ACVR2A: variants seen among roughly 807,000 people sequenced by gnomAD.
ACVR2A encodes the protein activin A receptor type 2A, also known as activin receptor type-2A.
A neutral mutation model predicts 61.4 loss-of-function variants in ACVR2A; 7 were observed. The observed-to-expected ratio is 0.11, with a 90% confidence interval of 0.06 to 0.21. The LOEUF (loss-of-function observed/expected upper bound fraction) is 0.21, where lower values mean the gene tolerates loss of function less well. ACVR2A is among the 10% of genes least tolerant of loss of function. The pLI is 1.00. For synonymous variants in ACVR2A, 193 were observed against 208.3 expected (o/e 0.93, Z 0.63); for missense variants, 322 against 621.7 (o/e 0.52, Z 5.13).
chr2:147,923,292 A>G (rs993396888), intron 9 of ACVR2A, among the ~76,000 whole-genome samples, 181 bp downstream of exon 9: 2 of 151,978 alleles, frequency 1.3e-5, no homozygotes, highest in Non-Finnish European at 2.9e-5. Flanking sequence ...AGGAATTGCT[A>G]TGTATTGATC....
At chr2:147,845,016 TTTTTTTTTTTTG>T, upstream of ACVR2A, 5 of 210,822 alleles carry the variant, frequency 2.4e-5, no homozygotes, top group South Asian at 2.0e-4. Flanking sequence ...TTTTTTTTTT[TTTTTTTTTTTTG>T]GTCTGGGCTT....
chr2:147,915,057 G>A, intron 4 of ACVR2A, 134 bp from the exon 5 acceptor site: 2 of 776,738 alleles, frequency 2.6e-6, no homozygotes, highest in South Asian at 1.8e-5. Flanking sequence ...TGGCAACATT[G>A]AAGTTAATGT....
intron 1 of ACVR2A, among the ~76,000 whole-genome samples, chr2:147,861,657 TTTGAAATA>T (rs1439603193): frequency 6.6e-6 from 1 of 152,172 alleles, no homozygotes; most frequent in Non-Finnish European, 1.5e-5. Context: ...CCACCAGTAT[TTTGAAATA>T]TTGAAATATT....
At chr2:147,917,453 G>C (rs1350159145) in intron 6 of ACVR2A, 27 bp downstream of exon 6, 6 of 1,608,146 alleles carry the variant, frequency 3.7e-6, no homozygotes, top group Non-Finnish European at 1.7e-6. Context: ...TTTTACTTTA[G>C]TAAAGTCTGA....
intron 1 of ACVR2A, among the ~76,000 whole-genome samples, chr2:147,859,128 G>A (rs1685660113): frequency 6.6e-6 from 1 of 152,028 alleles, no homozygotes; most frequent in South Asian, 2.1e-4. Context: ...TTTACTTCCA[G>A]TGTTTTAGTC....
intron 1 of ACVR2A, among the ~76,000 whole-genome samples, chr2:147,860,439 G>A (rs563362600): frequency 1.3e-5 from 2 of 152,148 alleles, no homozygotes; most frequent in South Asian, 4.2e-4. Flanking sequence ...GCTTTGATAC[G>A]CTAATTGAAA....
intron 9 of ACVR2A, 53 bp from the exon 10 acceptor site, chr2:147,925,978 A>C (rs1386444586): frequency 3.8e-6 from 6 of 1,569,252 alleles, no homozygotes; most frequent in Non-Finnish European, 5.2e-6. Context: ...ACCAGTTTGA[A>C]AGTCAGGAGG....
chr2:147,845,589 C>T (rs1051401991), intron 1 of ACVR2A, among the ~76,000 whole-genome samples: 5 of 152,088 alleles, frequency 3.3e-5, no homozygotes, highest in Non-Finnish European at 5.9e-5. Flanking sequence ...AGTGTGGGCT[C>T]CTCCAAAACA....
At chr2:147,914,983 T>C (rs1687215191) in intron 4 of ACVR2A, among the ~76,000 whole-genome samples, 1 of 151,990 alleles carries the variant, frequency 6.6e-6, no homozygotes, top group African/African-American at 2.4e-5. Context: ...CTGAACATTA[T>C]TATGAAACTC....
At chr2:147,898,975 G>A (rs1279554637) in intron 2 of ACVR2A, among the ~76,000 whole-genome samples, 2 of 151,944 alleles carry the variant, frequency 1.3e-5, no homozygotes, top group African/African-American at 2.4e-5. Context: ...CATGAGATAC[G>A]AGCTTTTATC....
chr2:147,909,016 GT>G (rs2105205830), intron 4 of ACVR2A, among the ~76,000 whole-genome samples: 1 of 152,056 alleles, frequency 6.6e-6, no homozygotes, highest in Non-Finnish European at 1.5e-5. Context: ...CCATTTATAT[GT>G]CTCCAAGCAC....
At chr2:147,879,422 C>T (rs946318242) in intron 1 of ACVR2A, among the ~76,000 whole-genome samples, 1 of 152,170 alleles carries the variant, frequency 6.6e-6, no homozygotes. Context: ...CCTCTCAATA[C>T]ACTGGCAATT....
intron 1 of ACVR2A, among the ~76,000 whole-genome samples, chr2:147,856,248 G>A (rs770176090): frequency 1.3e-5 from 2 of 152,136 alleles, no homozygotes; most frequent in African/African-American, 2.4e-5. Context: ...TTCAGCTGTA[G>A]CATCTGTGCC....
chr2:147,918,179 A>C (rs1237602254), intron 6 of ACVR2A, among the ~76,000 whole-genome samples: 6 of 151,810 alleles, frequency 4.0e-5, no homozygotes, highest in African/African-American at 1.2e-4. Context: ...AAAAAAAAAA[A>C]AAAACAAACT....
intron 1 of ACVR2A, among the ~76,000 whole-genome samples, chr2:147,868,210 G>A (rs1384852858): frequency 6.6e-6 from 1 of 152,188 alleles, no homozygotes; most frequent in Non-Finnish European, 1.5e-5. Context: ...GACCTTGGAA[G>A]AATGATAGGA....
At chr2:147,851,771 C>G (rs79384254) in intron 1 of ACVR2A, among the ~76,000 whole-genome samples, 66 of 152,182 alleles carry the variant, frequency 4.3e-4, no homozygotes, top group Admixed American at 2.8e-3. Flanking sequence ...CAAATGTTTA[C>G]TTTCCTGTTT....
intron 1 of ACVR2A, among the ~76,000 whole-genome samples, chr2:147,855,253 A>G (rs990713749): frequency 1.3e-5 from 2 of 152,088 alleles, no homozygotes; most frequent in African/African-American, 4.8e-5. Flanking sequence ...CTTTTTCTTA[A>G]TACTTCCAAT....
chr2:147,858,704 T>G (rs547813453), intron 1 of ACVR2A, among the ~76,000 whole-genome samples: 1 of 152,286 alleles, frequency 6.6e-6, no homozygotes, highest in African/African-American at 2.4e-5. Flanking sequence ...CCGCAGACAT[T>G]TTTGTAAAGG....
intron 1 of ACVR2A, among the ~76,000 whole-genome samples, chr2:147,855,166 C>T (rs1426116932): frequency 6.6e-6 from 1 of 152,152 alleles, no homozygotes. Flanking sequence ...AGGTGTGAGC[C>T]ACCGCGCCTG....
Sources: allele counts gnomAD v4.1 joint callset (sites outside exome capture counted in the v4.1 genomes callset), GRCh38; gene constraint gnomAD v4.1.1; transcripts MANE v1.5; gene names NCBI Gene and HGNC (gene_info 2026-07-23, HGNC 2026-07-21).